KCNJ6: variants seen among roughly 807,000 people sequenced by gnomAD.
KCNJ6 encodes the protein G protein-activated inward rectifier potassium channel 2.
KCNJ6 carries 9 observed loss-of-function variants against 34.2 expected under a neutral mutation model. The observed-to-expected ratio is 0.26, with a 90% confidence interval of 0.16 to 0.46. The LOEUF (loss-of-function observed/expected upper bound fraction) is 0.46, where lower values mean the gene tolerates loss of function less well. Among genes scored for constraint, KCNJ6 ranks in the 20% least tolerant of loss-of-function variants. KCNJ6 has a pLI of 1.00. For synonymous variants in KCNJ6, 196 were observed against 207.1 expected, an observed-to-expected ratio of 0.95 and a Z score of 0.46; for missense variants, 236 against 531.3, an observed-to-expected ratio of 0.44 and a Z score of 5.46.
intron 2 of KCNJ6, among the ~76,000 whole-genome samples, chr21:37,753,689 A>G (rs942480394): frequency 4.6e-5 from 7 of 152,148 alleles, no homozygotes; most frequent in African/African-American, 1.4e-4. Flanking sequence ...TTTTCTTTTC[A>G]TATTTGTTAG....
chr21:37,801,376 GCA>G, intron 2 of KCNJ6, among the ~76,000 whole-genome samples: 1 of 152,292 alleles, frequency 6.6e-6, no homozygotes, highest in East Asian at 1.9e-4. Flanking sequence ...ACCCCATCCT[GCA>G]CAGTTTCAAG....
rs892992484 is a variant in KCNJ6, at chr21:37,618,250, C to T, written c.*6909G>A. Reference sequence around the variant, plus strand: ...TGACCGAAACTCTGATCTCTGCACTCCAGTTGATCGAGTTCTACTAGTTGT... The same window carrying T: ...TGACCGAAACTCTGATCTCTGCACTTCAGTTGATCGAGTTCTACTAGTTGT... On this transcript the variant is annotated 3_prime_UTR_variant, in exon 4 of 4. Coordinates refer to ENST00000609713, the MANE Select transcript of KCNJ6 (RefSeq NM_002240.5). The T allele has an allele frequency of 6.6e-6, 1 of 152,234 alleles. No homozygotes were observed. Among genetic ancestry groups the T allele is most frequent in the African/African-American group, 2.4e-5 (1 of 41,464 alleles). The allele number at this position is 152,234 out of a possible 1,614,324, so 9.4% of individuals were successfully genotyped here. A position where few individuals can be genotyped will look rare whatever the true frequency, so the allele number is the denominator to read the frequency against.
chr21:37,726,054 T>C (rs190928838), intron 2 of KCNJ6, among the ~76,000 whole-genome samples: 145 of 152,228 alleles, frequency 9.5e-4, no homozygotes, highest in African/African-American at 3.3e-3. Context: ...TACAGGTGCA[T>C]GCCACCATGC....
chr21:37,902,872 A>G (rs2055823614), intron 1 of KCNJ6, among the ~76,000 whole-genome samples: 1 of 152,158 alleles, frequency 6.6e-6, no homozygotes, highest in Non-Finnish European at 1.5e-5. Flanking sequence ...CACCTAGTTT[A>G]TTGTTTTGAT....
chr21:37,877,162 C>T (rs57264442), intron 1 of KCNJ6, among the ~76,000 whole-genome samples: 3,263 of 152,242 alleles, frequency 0.021, 130 homozygotes, highest in African/African-American at 0.074. Context: ...AACCCACCAA[C>T]GCCTAATTGG....
chr21:37,645,935 G>T (rs980353988), intron 3 of KCNJ6, among the ~76,000 whole-genome samples: 1 of 135,754 alleles, frequency 7.4e-6, no homozygotes, highest in African/African-American at 2.8e-5. Flanking sequence ...ATAAAACGGG[G>T]GTAAAAATCC....
At chr21:37,753,067 G>A (rs1472340387) in intron 2 of KCNJ6, among the ~76,000 whole-genome samples, 2 of 152,206 alleles carry the variant, frequency 1.3e-5, no homozygotes, top group Non-Finnish European at 2.9e-5. Flanking sequence ...CTCGGAGCTG[G>A]GGACTGAGTG....
chr21:37,716,964 G>GACAAATGTCATC (rs1330059276), intron 2 of KCNJ6: 1 of 154,346 alleles, frequency 6.5e-6, no homozygotes, highest in Non-Finnish European at 1.5e-5. Flanking sequence ...TTGGTTAAAG[G>GACAAATGTCATC]ACAAATGTCA....
At chr21:37,874,766 GT>G (rs1415989394) in intron 1 of KCNJ6, among the ~76,000 whole-genome samples, 1 of 152,092 alleles carries the variant, frequency 6.6e-6, no homozygotes, top group African/African-American at 2.4e-5. Flanking sequence ...CACTATGTCT[GT>G]CCCTTTTCTG....
At position 37,698,760 on chromosome 21, in the gene KCNJ6, G is replaced by A. The variant is rs148221914; in HGVS notation, c.946+15451C>T. On this transcript the variant is annotated intron_variant, in intron 3 of 3. Coordinates refer to ENST00000609713, the MANE Select transcript of KCNJ6 (RefSeq NM_002240.5). ...CACCCAGGATGGAGTGCAGTGGCAC[G>A]ATCTTGGCTTACTGTAATCTTTACC... Among the ~76,000 whole-genome samples the A allele has an allele frequency of 3.3e-3, 496 of 151,474 alleles. 7 individuals carry two copies. The highest frequency in any genetic ancestry group is 0.011 in the African/African-American group (466 of 41,314).
chr21:37,834,761 G>A (rs2055443654), intron 2 of KCNJ6, among the ~76,000 whole-genome samples: 1 of 152,182 alleles, frequency 6.6e-6, no homozygotes, highest in South Asian at 2.1e-4. Flanking sequence ...TTAGTCATAG[G>A]AGGAATTCCC....
chr21:37,727,444 GGAGT>G (rs1310274012), intron 2 of KCNJ6, among the ~76,000 whole-genome samples: 1 of 111,458 alleles, frequency 9.0e-6, no homozygotes, highest in Non-Finnish European at 1.9e-5. Context: ...GGAGCTGAAT[GGAGT>G]GAGGACTCAC....
At chr21:37,856,547 C>T (rs1377350359) in intron 1 of KCNJ6, among the ~76,000 whole-genome samples, 5 of 152,088 alleles carry the variant, frequency 3.3e-5, no homozygotes, top group Admixed American at 3.3e-4. Flanking sequence ...GGAAAATGCC[C>T]TTGCTCTCAG....
At chr21:37,881,979 A>G (rs1272978221) in intron 1 of KCNJ6, among the ~76,000 whole-genome samples, 3 of 152,136 alleles carry the variant, frequency 2.0e-5, no homozygotes, top group Non-Finnish European at 2.9e-5. Context: ...AAAGCTGCTT[A>G]AACATTATAG....
intron 2 of KCNJ6, among the ~76,000 whole-genome samples, chr21:37,740,721 A>G (rs1250798713): frequency 1.3e-5 from 2 of 152,176 alleles, no homozygotes; most frequent in African/African-American, 4.8e-5. Flanking sequence ...GACTCTTTTC[A>G]TTGACATTCT....
intron 1 of KCNJ6, among the ~76,000 whole-genome samples, chr21:37,882,250 G>C (rs771691154): frequency 6.6e-6 from 1 of 152,188 alleles, no homozygotes; most frequent in Non-Finnish European, 1.5e-5. Flanking sequence ...TTGTAGCCTT[G>C]GGTTGACAGA....
intron 1 of KCNJ6, among the ~76,000 whole-genome samples, chr21:37,845,048 G>T (rs112603588): frequency 6.6e-6 from 1 of 152,122 alleles, no homozygotes. Flanking sequence ...GAAGTGGTCC[G>T]CTGCTTGCTG....
At chr21:37,681,046 G>A (rs903236980) in intron 3 of KCNJ6, among the ~76,000 whole-genome samples, 1 of 152,212 alleles carries the variant, frequency 6.6e-6, no homozygotes, top group Non-Finnish European at 1.5e-5. Context: ...TCCCATCAAG[G>A]ACACTGGGCC....
chr21:37,685,106 T>C (rs962561682), intron 3 of KCNJ6, among the ~76,000 whole-genome samples: 1 of 151,882 alleles, frequency 6.6e-6, no homozygotes, highest in African/African-American at 2.4e-5. Flanking sequence ...AAAAAATCAA[T>C]TAGGAAATGG....
Sources: allele counts gnomAD v4.1 joint callset (sites outside exome capture counted in the v4.1 genomes callset), GRCh38; gene constraint gnomAD v4.1.1; transcripts MANE v1.5; gene names NCBI Gene and HGNC (gene_info 2026-07-23, HGNC 2026-07-21).